Variants in DLG1 observed in about 807,000 individuals in gnomAD.
DLG1 encodes the protein disks large homolog 1.
A neutral mutation model predicts 123.4 loss-of-function variants in DLG1; 42 were observed. The ratio of observed to expected loss-of-function variants is 0.34; its 90% CI spans 0.27 to 0.44. DLG1 has a LOEUF of 0.44. Among genes scored for constraint, DLG1 ranks in the 20% least tolerant of loss-of-function variants. DLG1 has a pLI of 1.00. For missense variants in DLG1, 942 were observed against 1,082.6 expected (o/e 0.87, Z 1.82); for synonymous variants, 317 against 356.2 (o/e 0.89, Z 1.24).
intron 4 of DLG1, among the ~76,000 whole-genome samples, chr3:197,247,782 C>T (rs533039635): frequency 6.6e-6 from 1 of 152,228 alleles, no homozygotes; most frequent in Non-Finnish European, 1.5e-5. Context: ...CTTTCTGTTT[C>T]TTGTCTTACT....
At chr3:197,088,210 T>A (rs1274769402) in intron 15 of DLG1, among the ~76,000 whole-genome samples, 1 of 152,042 alleles carries the variant, frequency 6.6e-6, no homozygotes, top group Non-Finnish European at 1.5e-5. Context: ...GAACACTGGA[T>A]ATTTAAAGAA....
chr3:197,074,377 T>A (rs1745934001), intron 18 of DLG1, among the ~76,000 whole-genome samples: 1 of 152,090 alleles, frequency 6.6e-6, no homozygotes, highest in African/African-American at 2.4e-5. Context: ...AAAGTCTCAA[T>A]CTTCAATCAG....
At chr3:197,191,751 C>T (rs1011461460) in intron 5 of DLG1, among the ~76,000 whole-genome samples, 7 of 152,082 alleles carry the variant, frequency 4.6e-5, no homozygotes, top group African/African-American at 1.7e-4. Flanking sequence ...GAGTGAATGG[C>T]ATTTATTTAC....
At chr3:197,154,766 T>A (rs1795604893) in intron 5 of DLG1, among the ~76,000 whole-genome samples, 1 of 151,934 alleles carries the variant, frequency 6.6e-6, no homozygotes, top group South Asian at 2.1e-4. Flanking sequence ...ATAAAAATTA[T>A]AAAATTCAGG....
At chr3:197,274,790 A>G (rs991247654) in intron 4 of DLG1, among the ~76,000 whole-genome samples, 1 of 152,250 alleles carries the variant, frequency 6.6e-6, no homozygotes, top group Non-Finnish European at 1.5e-5. Flanking sequence ...TTTGAAATGC[A>G]CAAATGATCA....
intron 6 of DLG1, among the ~76,000 whole-genome samples, chr3:197,149,388 C>A (rs981710227): frequency 2.0e-5 from 3 of 152,000 alleles, no homozygotes; most frequent in Non-Finnish European, 2.9e-5. Context: ...ACAAAAAAAA[C>A]CTGGTTACTA....
At chr3:197,157,378 C>T (rs1434037646) in intron 5 of DLG1, among the ~76,000 whole-genome samples, 1 of 152,146 alleles carries the variant, frequency 6.6e-6, no homozygotes, top group East Asian at 1.9e-4. Context: ...TTTCTTCTAA[C>T]ACTGAACAAT....
At chr3:197,088,455 A>G (rs1337274666) in intron 15 of DLG1, among the ~76,000 whole-genome samples, 1 of 152,238 alleles carries the variant, frequency 6.6e-6, no homozygotes, top group East Asian at 1.9e-4. Context: ...AAGTCATTTC[A>G]GACATGCTAA....
intron 2 of DLG1, chr3:197,296,862 A>G (rs912311776): frequency 5.6e-6 from 2 of 354,376 alleles, no homozygotes; most frequent in Non-Finnish European, 1.0e-5. Context: ...ACAAATTCTT[A>G]GTATCCCACA....
chr3:197,162,639 C>T (rs1379882565), intron 5 of DLG1, among the ~76,000 whole-genome samples: 2 of 152,096 alleles, frequency 1.3e-5, no homozygotes, highest in Non-Finnish European at 2.9e-5. Context: ...AACAATGGTG[C>T]TGAGACAACT....
intron 4 of DLG1, among the ~76,000 whole-genome samples, chr3:197,197,643 G>A (rs1338088838): frequency 1.3e-5 from 2 of 152,196 alleles, no homozygotes; most frequent in Non-Finnish European, 2.9e-5. Flanking sequence ...AAACTGACAA[G>A]CTGATCCTAA....
At chr3:197,091,094 T>C in intron 14 of DLG1, 68 bp from the exon 15 acceptor site, 1 of 1,047,244 alleles carries the variant, frequency 9.5e-7, no homozygotes, top group Non-Finnish European at 1.5e-6. Flanking sequence ...GATAACGTAT[T>C]AAATATGTAA....
intron 5 of DLG1, among the ~76,000 whole-genome samples, chr3:197,193,790 C>T (rs1720934764): frequency 6.6e-6 from 1 of 150,752 alleles, no homozygotes; most frequent in South Asian, 2.1e-4. Context: ...CAAGAAAAGT[C>T]ACATATTTGG....
intron 18 of DLG1, chr3:197,069,464 A>C (rs1742104284): frequency 5.1e-6 from 2 of 391,204 alleles, no homozygotes; most frequent in Non-Finnish European, 9.1e-6. Flanking sequence ...ACAATGCCTT[A>C]TTTTTGTACA....
intron 5 of DLG1, among the ~76,000 whole-genome samples, chr3:197,187,748 T>G (rs1423508912): frequency 6.6e-6 from 1 of 152,164 alleles, no homozygotes; most frequent in Non-Finnish European, 1.5e-5. Context: ...GTTCTAACAA[T>G]TTTTCCTAAT....
chr3:197,179,588 T>TA (rs2150115919), intron 5 of DLG1, among the ~76,000 whole-genome samples: 1 of 152,326 alleles, frequency 6.6e-6, no homozygotes, highest in South Asian at 2.1e-4. Flanking sequence ...CATATACTAT[T>TA]AGAGTTAAAT....
intron 4 of DLG1, among the ~76,000 whole-genome samples, chr3:197,213,870 A>C (rs1403676269): frequency 6.6e-6 from 1 of 152,212 alleles, no homozygotes; most frequent in Non-Finnish European, 1.5e-5. Flanking sequence ...GGTACTAGTA[A>C]TTATAATCTG....
At chr3:197,051,510 G>T in intron 24 of DLG1, 67 bp downstream of exon 24, 2 of 1,203,328 alleles carry the variant, frequency 1.7e-6, no homozygotes, top group South Asian at 1.2e-5. Context: ...CCACCTGAAC[G>T]GGTCGGTTCA....
chr3:197,248,145 T>C (rs1372864869), intron 4 of DLG1, among the ~76,000 whole-genome samples: 1 of 152,154 alleles, frequency 6.6e-6, no homozygotes, highest in African/African-American at 2.4e-5. Context: ...TAGGAATACT[T>C]TACCACCCCT....
Sources: gnomAD v4.1 joint callset for allele counts (sites outside exome capture counted in the v4.1 genomes callset) on GRCh38, gnomAD v4.1.1 for gene constraint, MANE v1.5 for transcripts, NCBI Gene and HGNC (gene_info 2026-07-23, HGNC 2026-07-21) for gene names.